SOHLH1: variants seen among roughly 807,000 people sequenced by gnomAD.
The protein encoded by SOHLH1 is spermatogenesis- and oogenesis-specific basic helix-loop-helix-containing protein 1.
Under a neutral mutation model 36.2 loss-of-function variants are expected in SOHLH1, and 23 were observed. That is an observed-to-expected ratio of 0.64 (90% CI 0.46 to 0.90). The LOEUF is 0.90. Among genes scored for constraint, SOHLH1 ranks in the 40% least tolerant of loss-of-function variants. SOHLH1 has a pLI of 0.00. For missense variants in SOHLH1, 608 were observed against 517.0 expected, an observed-to-expected ratio of 1.18 and a Z score of -1.71; for synonymous variants, 289 against 228.3, an observed-to-expected ratio of 1.27 and a Z score of -2.40.
chr9:135,694,993 T>TCA, intron 6 of SOHLH1, 57 bp downstream of exon 6: 2 of 1,510,292 alleles, frequency 1.3e-6, no homozygotes, highest in South Asian at 2.4e-5. Flanking sequence ...TGGGACAGGC[T>TCA]CACACACACA....
At chr9:135,698,183 C>T in intron 3 of SOHLH1, 146 bp downstream of exon 3, 3 of 1,077,890 alleles carry the variant, frequency 2.8e-6, no homozygotes. Flanking sequence ...AGGAAGTGCC[C>T]TGCCGAAAAC....
chr9:135,699,316 G>A (rs1006128065), intron 1 of SOHLH1, 87 bp downstream of exon 1: 12 of 1,513,066 alleles, frequency 7.9e-6, no homozygotes, highest in African/African-American at 1.4e-5. Flanking sequence ...GGAGGCCCAG[G>A]ATGGGTGGAG....
chr9:135,697,450 G>A, intron 4 of SOHLH1, 56 bp downstream of exon 4: 1 of 1,589,244 alleles, frequency 6.3e-7, no homozygotes, highest in Non-Finnish European at 8.5e-7. Context: ...GGGGCTTTGG[G>A]TCTGCTGCTC....
Position 135,693,709 on chromosome 9 carries a change from G to C in SOHLH1, c.1052C>G (p.Ser351Cys). 1 of 1,574,976 alleles carries C rather than the reference G, an allele frequency of 6.3e-7. No individual in the cohort carries two copies. The highest frequency in any genetic ancestry group is 8.6e-7 in the Non-Finnish European group (1 of 1,161,204). Residue 351 changes from serine to cysteine, a missense_variant, in exon 8 of 8, where the codon TCC becomes TGC. Transcript: ENST00000425225. Reference sequence around the variant, plus strand: ...CAGAGGGCTGTCCTGGAGCTCCTGGGAGCCAAGCTCAGGGTCCCCTAGGAA... The same window carrying C: ...CAGAGGGCTGTCCTGGAGCTCCTGGCAGCCAAGCTCAGGGTCCCCTAGGAA... The part of the protein sequence containing the change: ...PGFLGDPELG[S>C]QELQDSPLEP...
chr9:135,696,443 G>A (rs1483604020), intron 5 of SOHLH1, among the ~76,000 whole-genome samples, 169 bp downstream of exon 5: 1 of 152,084 alleles, frequency 6.6e-6, no homozygotes, highest in Admixed American at 6.5e-5. Context: ...CACAGCCCGG[G>A]GGCCTTGAAT....
rs373023569 is a variant in SOHLH1 at position 135,695,051 on chromosome 9, C to T, written c.874G>A (p.Gly292Arg). The change falls in exon 6 of 8, where the codon GGG (glycine) becomes AGG (arginine). Residue 292 changes from glycine (G) to arginine (R), a missense_variant and splice_region_variant. Transcript: ENST00000425225. ...CGTGCACACCACCTGGGCACTCACC[C>T]GGCCTCCTGCGCCAGCATGGGGTCC... The part of the protein sequence containing the change: ...KEDPMLAQEA[G>R]SALGSDVDDG... 1.3e-5 allele frequency: 21 copies of T among 1,590,712 alleles called. No homozygotes were observed. The highest frequency in any genetic ancestry group is 5.4e-5 in the African/African-American group (4 of 74,428).
intron 3 of SOHLH1, 58 bp from the exon 4 acceptor site, chr9:135,697,685 G>C: frequency 6.3e-7 from 1 of 1,576,742 alleles, no homozygotes; most frequent in Non-Finnish European, 8.6e-7. Context: ...AGAAACCCAA[G>C]ACACGGTGAC....
chr9:135,698,498 A>T (rs150437203), intron 2 of SOHLH1, 22 bp from the exon 3 acceptor site: 1 of 1,612,952 alleles, frequency 6.2e-7, no homozygotes, highest in East Asian at 2.2e-5. Flanking sequence ...CAAGAAACAA[A>T]TACCTCTGGG....
In SOHLH1 at chr9:135,699,390, C is replaced by T. The variant is rs773177963; in HGVS notation, c.65+13G>A. On this transcript the variant is annotated intron_variant, in intron 1 of 7. Coordinates refer to ENST00000425225, the MANE Select transcript of SOHLH1 (RefSeq NM_001101677.2). ...GGGCCCCCAACCCCTTGGCCGCCAG[C>T]CCAATTCCTCACTTGCATCCCCTGA... The T allele has an allele frequency of 4.3e-6, 7 of 1,609,890 alleles. No individual in the cohort carries two copies. Among genetic ancestry groups the T allele is most frequent in the African/African-American group, 1.3e-5 (1 of 74,904 alleles).
rs769549005 is a variant in SOHLH1, at chr9:135,695,245, G to A, written c.680C>T (p.Pro227Leu). 4.6e-5 allele frequency: 73 copies of A among 1,598,358 alleles called. No homozygotes were observed. Among genetic ancestry groups the A allele is most frequent in the Non-Finnish European group, 5.8e-5 (68 of 1,174,452 alleles). ...PPFSEPSSLV[P>L]WPPGRSLPKA... is the part of the protein sequence containing the mutation. The stretch of plus-strand genomic sequence containing the variant: ...AGGAAGACTCCGGCCTGGGGGCCAC[G>A]GCACCAGGCTGGAAGGTTCTGGGAG... The change falls in exon 6 of 8, where the codon CCG becomes CTG. Residue 227 changes from proline (P) to leucine (L), a missense_variant. Coordinates refer to ENST00000425225, the MANE Select transcript of SOHLH1 (RefSeq NM_001101677.2).
chr9:135,698,892 G>T, intron 2 of SOHLH1, 103 bp downstream of exon 2: 1 of 1,542,824 alleles, frequency 6.5e-7, no homozygotes, highest in Non-Finnish European at 8.9e-7. Context: ...CACAGGCCAC[G>T]AGCCCCTCCC....
Position 135,693,799 on chromosome 9 carries a change from C to T in SOHLH1, c.962G>A (p.Arg321Gln), listed in dbSNP as rs1263504676. Residue 321 changes from arginine to glutamine, a missense_variant, in exon 8 of 8, where the codon CGA (arginine) becomes CAA (glutamine). Arg to Gln is a conservative substitution (Grantham distance 43). Transcript: ENST00000425225. ...GGCCCATGCAGGGCCACTGCCTCCT[C>T]GACCCTCCAGAGACCCTGGAAGCAA... ...PSSWPGSLEG[R>Q]GGSGPAWAPA... 13 of 1,574,552 alleles carry T rather than the reference C, an allele frequency of 8.3e-6. No individual in the cohort carries two copies. The highest frequency in any genetic ancestry group is 1.8e-5 in the Admixed American group (1 of 55,264).
chr9:135,694,926 CAG>C (rs1834728541), intron 6 of SOHLH1, 122 bp downstream of exon 6: 1 of 1,115,562 alleles, frequency 9.0e-7, no homozygotes, highest in African/African-American at 1.5e-5. Flanking sequence ...GGCACAGAAG[CAG>C]AGACGGAAGC....
At chr9:135,694,988 C>A in intron 6 of SOHLH1, 62 bp downstream of exon 6, 4 of 1,492,260 alleles carry the variant, frequency 2.7e-6, no homozygotes, top group Non-Finnish European at 3.6e-6. Flanking sequence ...GGAGGTGGGA[C>A]AGGCTCACAC....
intron 5 of SOHLH1, among the ~76,000 whole-genome samples, chr9:135,695,870 A>T (rs913355047): frequency 6.6e-6 from 1 of 152,184 alleles, no homozygotes; most frequent in Non-Finnish European, 1.5e-5. Flanking sequence ...CGGGTGGCAG[A>T]GGGAACAGCT....
chr9:135,696,428 G>A (rs1246555043), intron 5 of SOHLH1, among the ~76,000 whole-genome samples, 184 bp downstream of exon 5: 1 of 152,052 alleles, frequency 6.6e-6, no homozygotes, highest in Non-Finnish European at 1.5e-5. Context: ...TTTCACAAAA[G>A]CAGGCACAGC....
chr9:135,695,003 A>C (rs776873948), intron 6 of SOHLH1, 47 bp downstream of exon 6: 1 of 1,535,072 alleles, frequency 6.5e-7, no homozygotes, highest in Admixed American at 1.9e-5. Context: ...TCACACACAC[A>C]TGCTCGCTCA....
Position 135,698,374 on chromosome 9 carries a change from G to A in SOHLH1, c.300C>T (p.Phe100=), listed in dbSNP as rs768408533. ...GCCCCAGGGCGCTGGCAAGCCGCAGGAACTGCACAGACATCTCCAGGACCG... is the reference window on the plus strand; with the variant it reads ...GCCCCAGGGCGCTGGCAAGCCGCAGAAACTGCACAGACATCTCCAGGACCG... The part of the protein sequence containing the change: ...MASVLEMSVQ[F]LRLASALGPS... Residue 100 remains phenylalanine, a synonymous_variant, in exon 3 of 8, where the codon TTC becomes TTT. Transcript: ENST00000425225. The A allele has an allele frequency of 3.7e-6, 6 of 1,612,966 alleles. No individual in the cohort carries two copies. Among genetic ancestry groups the A allele is most frequent in the Non-Finnish European group, 2.5e-6 (3 of 1,180,040 alleles).
At chr9:135,695,000 C>T in intron 6 of SOHLH1, 50 bp downstream of exon 6, 1 of 1,529,630 alleles carries the variant, frequency 6.5e-7, no homozygotes, top group South Asian at 1.2e-5. Flanking sequence ...GGCTCACACA[C>T]ACATGCTCGC....
Sources: allele counts gnomAD v4.1 joint callset (sites outside exome capture counted in the v4.1 genomes callset), GRCh38; gene constraint gnomAD v4.1.1; transcripts MANE v1.5; gene names NCBI Gene and HGNC (gene_info 2026-07-23, HGNC 2026-07-21).